Variants in CTNNA1 observed in about 807,000 individuals in gnomAD.
The protein encoded by CTNNA1 is catenin alpha-1.
A neutral mutation model predicts 98.4 loss-of-function variants in CTNNA1; 37 were observed. The ratio of observed to expected loss-of-function variants is 0.38; its 90% CI spans 0.29 to 0.49. The LOEUF is 0.49. CTNNA1 is among the 20% of genes least tolerant of loss of function. The pLI, the probability that CTNNA1 is intolerant of heterozygous loss-of-function variation, is 0.95. For missense variants in CTNNA1, 761 were observed against 1,147.2 expected (o/e 0.66, Z 4.86); for synonymous variants, 404 against 413.2 (o/e 0.98, Z 0.27).
chr5:138,932,719 A>G lies in CTNNA1; in HGVS notation c.2433+7A>G, dbSNP rs370450898. ...GGAGCTTGTTGTCTCTGGGGTAAGC[A>G]TTAGCTGAACAAAAAGAGGGCCAGT... On this transcript the variant is annotated splice_region_variant and intron_variant, in intron 17 of 17. Coordinates refer to ENST00000302763, the MANE Select transcript of CTNNA1 (RefSeq NM_001903.5). 50 of 1,613,972 alleles carry G rather than the reference A, an allele frequency of 3.1e-5. No homozygotes were observed. The African/African-American group carries it at 6.4e-4, about 21-fold the overall frequency.
In CTNNA1 at chr5:138,873,871, A is replaced by C; in HGVS notation, c.1063-12341A>C. 1 of 1,614,010 alleles carries C rather than the reference A, an allele frequency of 6.2e-7. No homozygotes were observed. The highest frequency in any genetic ancestry group is 1.1e-5 in the South Asian group (1 of 91,074). ...TCCATTGTAAGAAGAGCGTGTGCAG[A>C]CTGCTTAGCCGTAGGAAATGAGCAA... On this transcript the variant is annotated intron_variant, in intron 7 of 17. Coordinates refer to ENST00000302763, the MANE Select transcript of CTNNA1 (RefSeq NM_001903.5). The surrounding 1 kb of genome is among the most constrained non-coding windows in gnomAD (Gnocchi z 6.1).
chr5:138,875,973 A>G (rs1353250396), intron 7 of CTNNA1, among the ~76,000 whole-genome samples: 1 of 152,216 alleles, frequency 6.6e-6, no homozygotes, highest in African/African-American at 2.4e-5. Flanking sequence ...GGGGAACTCT[A>G]AAAAGATTTC....
chr5:138,874,136 A>G lies in CTNNA1; in HGVS notation c.1063-12076A>G. On this transcript the variant is annotated intron_variant, in intron 7 of 17. Coordinates refer to ENST00000302763, the MANE Select transcript of CTNNA1 (RefSeq NM_001903.5). This position sits in a 1 kb window ranked among gnomAD's most constrained non-coding sequence, Gnocchi z 4.1. ...TGGGTGCAGAGATGACAGCTGATTA[A>G]AAGACAGGTCCAAATTTTGCAGGTT... 1 of 1,613,778 alleles carries G rather than the reference A, an allele frequency of 6.2e-7. No individual in the cohort carries two copies. Among genetic ancestry groups the G allele is most frequent in the South Asian group, 1.1e-5 (1 of 91,064 alleles).
At chr5:138,834,950 T>A (rs1463788754) in intron 7 of CTNNA1, among the ~76,000 whole-genome samples, 11 of 152,106 alleles carry the variant, frequency 7.2e-5, no homozygotes, top group African/African-American at 2.2e-4. Context: ...TAGGAGCAAT[T>A]TTTTGTGGGC....
chr5:138,903,130 T>G (rs999996629), intron 9 of CTNNA1, among the ~76,000 whole-genome samples: 2 of 152,124 alleles, frequency 1.3e-5, no homozygotes, highest in Non-Finnish European at 2.9e-5. Context: ...ACTTTCCAGT[T>G]CCTTTACATT....
At chr5:138,831,433 C>G (rs1025219658) in intron 7 of CTNNA1, among the ~76,000 whole-genome samples, 1 of 152,178 alleles carries the variant, frequency 6.6e-6, no homozygotes, top group Non-Finnish European at 1.5e-5. Flanking sequence ...CCCTTTCTGT[C>G]CCCACTGCCA....
chr5:138,799,856 A>AGATGGATG (rs373540640), intron 3 of CTNNA1, among the ~76,000 whole-genome samples: 15 of 62,188 alleles, frequency 2.4e-4, no homozygotes, highest in African/African-American at 4.1e-4. Flanking sequence ...GAGTAGATGT[A>AGATGGATG]GATGTATGTA....
chr5:138,893,755 C>T (rs1192504909), intron 9 of CTNNA1, among the ~76,000 whole-genome samples: 1 of 152,054 alleles, frequency 6.6e-6, no homozygotes, highest in East Asian at 1.9e-4. Flanking sequence ...TCCTGATTAG[C>T]TGGGATTACA....
At chr5:138,932,231 C>T (rs1317958188) in intron 16 of CTNNA1, 2 of 1,073,476 alleles carry the variant, frequency 1.9e-6, no homozygotes, top group Non-Finnish European at 1.1e-6. Flanking sequence ...CCTCGAGGGG[C>T]ATGGGCCTCC....
At chr5:138,833,528 T>C (rs1031905739) in intron 7 of CTNNA1, among the ~76,000 whole-genome samples, 3 of 152,266 alleles carry the variant, frequency 2.0e-5, no homozygotes, top group African/African-American at 7.2e-5. Flanking sequence ...TTTTCACTTA[T>C]GGCTACGAGA....
chr5:138,862,013 A>G (rs1390033092), intron 7 of CTNNA1, among the ~76,000 whole-genome samples: 1 of 152,236 alleles, frequency 6.6e-6, no homozygotes, highest in Non-Finnish European at 1.5e-5. Context: ...TATCTTGGAA[A>G]GACAATGCCA....
intron 7 of CTNNA1, among the ~76,000 whole-genome samples, chr5:138,850,964 G>C (rs879496049): frequency 2.6e-5 from 4 of 152,190 alleles, no homozygotes; most frequent in Admixed American, 6.5e-5. Context: ...GGAATATTGA[G>C]CATTACCTTA....
intron 1 of CTNNA1, chr5:138,753,852 T>C (rs1315879576): frequency 5.7e-6 from 1 of 176,160 alleles, no homozygotes; most frequent in Non-Finnish European, 1.2e-5. Context: ...TCTCGCGGTT[T>C]CCAAACTTTG....
At chr5:138,862,914 T>A (rs1204109053) in intron 7 of CTNNA1, among the ~76,000 whole-genome samples, 3 of 152,248 alleles carry the variant, frequency 2.0e-5, no homozygotes. Flanking sequence ...CATTTCACTC[T>A]CTACACGTTG....
chr5:138,757,912 C>CA (rs776280184), intron 1 of CTNNA1, among the ~76,000 whole-genome samples: 81 of 152,344 alleles, frequency 5.3e-4, no homozygotes, highest in Non-Finnish European at 9.8e-4. Flanking sequence ...GAACCATCTA[C>CA]AGCCCATTCT....
chr5:138,932,815 G>GTTTA, intron 17 of CTNNA1, 103 bp downstream of exon 17: 2 of 1,430,132 alleles, frequency 1.4e-6, no homozygotes, highest in Non-Finnish European at 2.0e-6. Context: ...CTGGGAAAGT[G>GTTTA]TGCTGTGCAG....
chr5:138,753,817 G>A (rs1421902836), intron 1 of CTNNA1: 2 of 224,668 alleles, frequency 8.9e-6, no homozygotes, highest in Non-Finnish European at 1.7e-5. Flanking sequence ...CAGCGCCGCC[G>A]CCGCGTTTCC....
chr5:138,773,848 C>G (rs146542728), intron 1 of CTNNA1, among the ~76,000 whole-genome samples: 13 of 151,808 alleles, frequency 8.6e-5, no homozygotes, highest in Non-Finnish European at 1.6e-4. Flanking sequence ...AATAGCTGGA[C>G]TATGGATGCA....
rs561119296 is a variant in CTNNA1 at position 138,756,188 on chromosome 5, C to T, written c.-3+2678C>T. On this transcript the variant is annotated intron_variant, in intron 1 of 17. Transcript: ENST00000302763. ...AGGAGCTGGGATTACAGGTGTGTGC[C>T]AACATGCCTGCCTAATTTTTTTGTA... Among the ~76,000 whole-genome samples, 6 of 152,050 alleles carry T rather than the reference C, an allele frequency of 3.9e-5. No individual in the cohort carries two copies. The East Asian group carries it at 9.7e-4, about 24-fold the overall frequency.
Sources: gnomAD v4.1 joint callset for allele counts (sites outside exome capture counted in the v4.1 genomes callset) on GRCh38, gnomAD v4.1.1 for gene constraint, Gnocchi (gnomAD v3.1) non-coding constraint, MANE v1.5 for transcripts, NCBI Gene and HGNC (gene_info 2026-07-23, HGNC 2026-07-21) for gene names.